The following ANKRD30A variants were observed in gnomAD, a reference collection of about 807,000 sequenced individuals.
ANKRD30A encodes ankyrin repeat domain-containing protein 30A.
ANKRD30A carries 170 observed loss-of-function variants against 166.3 expected under a neutral mutation model. That is an observed-to-expected ratio of 1.02 (90% CI 0.90 to 1.16). ANKRD30A has a LOEUF of 1.16. Among genes scored for constraint, ANKRD30A ranks in the 50% most tolerant of loss-of-function variants. ANKRD30A has a pLI of 0.00. For synonymous variants in ANKRD30A, 564 were observed against 508.9 expected (o/e 1.11, Z -1.46); for missense variants, 1,630 against 1,518.0 (o/e 1.07, Z -1.23).
At chr10:37,198,525 T>C (rs1841346010) in intron 29 of ANKRD30A, among the ~76,000 whole-genome samples, 1 of 152,072 alleles carries the variant, frequency 6.6e-6, no homozygotes, top group Admixed American at 6.6e-5. Context: ...AAGTAAAATA[T>C]TTAAGATATT....
chr10:37,209,916 T>A (rs1406461043), intron 31 of ANKRD30A, among the ~76,000 whole-genome samples: 1 of 152,148 alleles, frequency 6.6e-6, no homozygotes, highest in African/African-American at 2.4e-5. Flanking sequence ...ACATAAAAAT[T>A]TCCTTTGAAC....
In ANKRD30A at chr10:37,149,979, G is replaced by T. The variant is rs550040611; in HGVS notation, c.1645+130G>T. ...ATTTGATCTAGATAATGCCAATACT[G>T]GTATTGATGTTTGAAAACCTGATAT... On this transcript the variant is annotated intron_variant, in intron 11 of 35. Coordinates refer to ENST00000361713, the MANE Select transcript of ANKRD30A (RefSeq NM_052997.3). 11 of 1,279,126 alleles carry T rather than the reference G, an allele frequency of 8.6e-6. No individual in the cohort carries two copies. The African/African-American group carries it at 1.1e-4, about 12-fold the overall frequency. 79.2% of individuals were successfully genotyped at this position (1,279,126 alleles called of 1,614,324 possible).
At chr10:37,193,493 G>GA (rs765985795) in intron 27 of ANKRD30A, among the ~76,000 whole-genome samples, 1 of 152,012 alleles carries the variant, frequency 6.6e-6, no homozygotes, top group Non-Finnish European at 1.5e-5. Flanking sequence ...TTAATGTCCT[G>GA]ATCGGATAAA....
intron 18 of ANKRD30A, among the ~76,000 whole-genome samples, chr10:37,165,906 G>T (rs531978970): frequency 6.6e-6 from 1 of 152,108 alleles, no homozygotes; most frequent in East Asian, 1.9e-4. Context: ...GCAAAGGGTG[G>T]AAGTCAATAG....
chr10:37,126,066 GC>G (rs1835989095), intron 1 of ANKRD30A, 58 bp downstream of exon 1: 1 of 1,566,760 alleles, frequency 6.4e-7, no homozygotes, highest in Admixed American at 1.7e-5. Flanking sequence ...TGGGAGGATC[GC>G]CCCTTCAGAG....
the ANKRD30A span, among the ~76,000 whole-genome samples, chr10:37,237,781 C>A: frequency 6.6e-6 from 1 of 152,176 alleles, no homozygotes; most frequent in African/African-American, 2.4e-5. Context: ...CAATGACAAC[C>A]TTTTCTTGCT....
the ANKRD30A span, chr10:37,248,316 A>G: frequency 1.5e-5 from 6 of 396,892 alleles, no homozygotes; most frequent in Non-Finnish European, 3.0e-5. Context: ...TCATCTGCCT[A>G]TGAGATATCT....
chr10:37,244,460 G>A, the ANKRD30A span, among the ~76,000 whole-genome samples: 2 of 152,210 alleles, frequency 1.3e-5, no homozygotes, highest in African/African-American at 4.8e-5. Context: ...AGAGACCTCA[G>A]ATGAGATTTG....
intron 9 of ANKRD30A, among the ~76,000 whole-genome samples, chr10:37,149,007 T>A (rs779499017): frequency 3.3e-5 from 5 of 152,068 alleles, no homozygotes; most frequent in Non-Finnish European, 5.9e-5. Flanking sequence ...TATATACATA[T>A]GTCAATATTG....
At chr10:37,172,528 GTT>G (rs143038047) in intron 21 of ANKRD30A, among the ~76,000 whole-genome samples, 1 of 111,710 alleles carries the variant, frequency 9.0e-6, no homozygotes, top group South Asian at 2.8e-4. Flanking sequence ...AGAGTTAGAG[GTT>G]TTTTTTTAAT....
Position 37,153,601 on chromosome 10 carries a change from T to G in ANKRD30A, c.1737T>G (p.Asp579Glu), listed in dbSNP as rs1838127743. 2 of 1,612,150 alleles carry G rather than the reference T, an allele frequency of 1.2e-6. No homozygotes were observed. The highest frequency in any genetic ancestry group is 2.2e-5 in the East Asian group (1 of 44,796). The part of the protein sequence containing the change: ...ESLCETVSQK[D>E]VCLPKATHQK... ...TCTGTGAGACTGTTTCACAGAAGGATGTGTGTTTACCCAAGGCTACACATC... is the reference window on the plus strand; with the variant it reads ...TCTGTGAGACTGTTTCACAGAAGGAGGTGTGTTTACCCAAGGCTACACATC... Residue 579 changes from aspartate (D) to glutamate (E), a missense_variant, in exon 13 of 36, where the codon GAT (aspartate) becomes GAG (glutamate). By Grantham distance (45) the Asp-to-Glu change is conservative. Around this residue, in one of 4 missense-constraint regions of ANKRD30A, gnomAD observed 904 missense variants for 818.5 expected, o/e 1.10. Transcript: ENST00000361713.
chr10:37,141,638 GAGT>G (rs1285628996), intron 6 of ANKRD30A, 77 bp from the exon 7 acceptor site: 14 of 1,444,112 alleles, frequency 9.7e-6, no homozygotes, highest in African/African-American at 2.8e-5. Context: ...CATACAGAAT[GAGT>G]AGAAGTTTGC....
intron 4 of ANKRD30A, among the ~76,000 whole-genome samples, chr10:37,133,314 G>A (rs1836487389): frequency 6.6e-6 from 1 of 152,146 alleles, no homozygotes; most frequent in African/African-American, 2.4e-5. Flanking sequence ...ACAAGACTGA[G>A]TTTAATTTCT....
the ANKRD30A span, among the ~76,000 whole-genome samples, chr10:37,261,212 T>C: frequency 6.6e-6 from 1 of 152,172 alleles, no homozygotes; most frequent in Admixed American, 6.5e-5. Flanking sequence ...TTAGTGGTTG[T>C]CATATACATT....
chr10:37,145,174 G>T (rs1837411536), intron 8 of ANKRD30A, 118 bp downstream of exon 8: 3 of 753,734 alleles, frequency 4.0e-6, no homozygotes, highest in Non-Finnish European at 4.1e-6. Context: ...AAGAAATTCT[G>T]ATATTTCTAA....
At chr10:37,146,656 T>C (rs974889253) in intron 8 of ANKRD30A, among the ~76,000 whole-genome samples, 2 of 152,206 alleles carry the variant, frequency 1.3e-5, no homozygotes, top group African/African-American at 4.8e-5. Flanking sequence ...CAGACTCGCA[T>C]TTATTCAGTA....
chr10:37,200,726 T>G (rs979880725), intron 30 of ANKRD30A, among the ~76,000 whole-genome samples: 29 of 152,250 alleles, frequency 1.9e-4, no homozygotes, highest in African/African-American at 6.7e-4. Context: ...TTTATCAAAA[T>G]AAAGCAGCTT....
chr10:37,127,377 C>A (rs1836109360), intron 1 of ANKRD30A, among the ~76,000 whole-genome samples: 1 of 152,084 alleles, frequency 6.6e-6, no homozygotes, highest in South Asian at 2.1e-4. Flanking sequence ...ACATTTTTAT[C>A]TTGACAAAAC....
intron 24 of ANKRD30A, among the ~76,000 whole-genome samples, chr10:37,184,102 G>T (rs1231604702): frequency 6.6e-6 from 1 of 150,814 alleles, no homozygotes; most frequent in Non-Finnish European, 1.5e-5. Flanking sequence ...GGCCTTTCAT[G>T]GGAAAATAGT....
Sources: gnomAD v4.1 joint callset for allele counts (sites outside exome capture counted in the v4.1 genomes callset) on GRCh38, gnomAD v4.1.1 for gene constraint, gnomAD v4.1.1 regional missense constraint, MANE v1.5 for transcripts, NCBI Gene and HGNC (gene_info 2026-07-23, HGNC 2026-07-21) for gene names.